Variants in IRAK1BP1 observed in about 807,000 individuals in gnomAD.
IRAK1BP1 encodes interleukin 1 receptor associated kinase 1 binding protein 1, also known as interleukin-1 receptor-associated kinase 1-binding protein 1.
Under a neutral mutation model 28.0 loss-of-function variants are expected in IRAK1BP1, and 24 were observed. That is an observed-to-expected ratio of 0.86 (90% CI 0.62 to 1.20). IRAK1BP1 has a LOEUF of 1.20. Ranked by LOEUF, IRAK1BP1 falls within the 50% of genes most tolerant of loss-of-function variation. IRAK1BP1 has a pLI of 0.00. For missense variants in IRAK1BP1, 336 were observed against 316.7 expected, an observed-to-expected ratio of 1.06 and a Z score of -0.46; for synonymous variants, 131 against 116.3, an observed-to-expected ratio of 1.13 and a Z score of -0.81.
chr6:78,872,060 A>G (rs1770812858), intron 1 of IRAK1BP1: 2 of 693,792 alleles, frequency 2.9e-6, no homozygotes, highest in Non-Finnish European at 5.2e-6. Flanking sequence ...AGGCTAATGT[A>G]GAACTAGAAT....
chr6:78,955,386 A>G, the IRAK1BP1 span: 1 of 838,688 alleles, frequency 1.2e-6, no homozygotes, highest in Middle Eastern at 2.3e-4. Flanking sequence ...GAACACCTGT[A>G]ATGTATATGC....
At chr6:78,867,928 G>C in intron 1 of IRAK1BP1, 37 bp downstream of exon 1, 1 of 1,499,878 alleles carries the variant, frequency 6.7e-7, no homozygotes, top group Non-Finnish European at 8.9e-7. Flanking sequence ...AGAGCCGGAA[G>C]ACACAAAAGG....
At chr6:78,924,073 C>G (rs1023769521) in intron 4 of IRAK1BP1, among the ~76,000 whole-genome samples, 15 of 151,972 alleles carry the variant, frequency 9.9e-5, no homozygotes, top group Non-Finnish European at 4.4e-5. Context: ...AAGATCAGAG[C>G]AGAACTGAAG....
chr6:78,908,371 G>GC (rs1199425242), intron 4 of IRAK1BP1, among the ~76,000 whole-genome samples: 1 of 151,614 alleles, frequency 6.6e-6, no homozygotes, highest in Non-Finnish European at 1.5e-5. Context: ...TTTTTTTAGA[G>GC]CAGGGTCACA....
downstream of IRAK1BP1, among the ~76,000 whole-genome samples, chr6:78,949,399 C>CT (rs1774013347): frequency 6.6e-6 from 1 of 152,090 alleles, no homozygotes; most frequent in South Asian, 2.1e-4. Context: ...CAATCAGCTC[C>CT]TTTTCTCACT....
At chr6:78,914,067 A>G (rs1235019995) in intron 4 of IRAK1BP1, among the ~76,000 whole-genome samples, 2 of 152,204 alleles carry the variant, frequency 1.3e-5, no homozygotes, top group Non-Finnish European at 2.9e-5. Context: ...CACTTGTAAT[A>G]TAGATCATTT....
intron 1 of IRAK1BP1, among the ~76,000 whole-genome samples, chr6:78,872,624 G>A (rs551205467): frequency 1.3e-5 from 2 of 152,266 alleles, no homozygotes; most frequent in South Asian, 2.1e-4. Flanking sequence ...TGTCATGTTG[G>A]CACTCAAAAA....
At chr6:78,917,448 G>C (rs1490900419) in intron 4 of IRAK1BP1, among the ~76,000 whole-genome samples, 3 of 151,810 alleles carry the variant, frequency 2.0e-5, no homozygotes, top group Non-Finnish European at 4.4e-5. Context: ...CAAATTGTTG[G>C]GATTCCTGAA....
chr6:78,892,654 G>C (rs970946165), intron 2 of IRAK1BP1, among the ~76,000 whole-genome samples: 2 of 152,020 alleles, frequency 1.3e-5, no homozygotes, highest in Non-Finnish European at 2.9e-5. Context: ...AGAATTAAAA[G>C]ACATAGTCAT....
At chr6:78,968,802 C>G in the IRAK1BP1 span, among the ~76,000 whole-genome samples, 2 of 152,154 alleles carry the variant, frequency 1.3e-5, no homozygotes, top group Non-Finnish European at 2.9e-5. Context: ...CCCACAATCT[C>G]TAACAGCTCA....
At chr6:78,964,931 G>C in the IRAK1BP1 span, among the ~76,000 whole-genome samples, 1 of 152,000 alleles carries the variant, frequency 6.6e-6, no homozygotes, top group Non-Finnish European at 1.5e-5. Flanking sequence ...TTATGCAATT[G>C]TGCATGTGTG....
At chr6:78,937,780 C>T (rs1007250361) in intron 4 of IRAK1BP1, 2 of 151,692 alleles carry the variant, frequency 1.3e-5, no homozygotes, top group African/African-American at 4.8e-5. Context: ...TTGCCCAGGG[C>T]TGTGAGTCTC....
the IRAK1BP1 span, among the ~76,000 whole-genome samples, chr6:78,971,100 A>G: frequency 6.6e-6 from 1 of 152,214 alleles, no homozygotes; most frequent in Non-Finnish European, 1.5e-5. Flanking sequence ...ATACACACTT[A>G]TAAGTTAAGA....
chr6:78,932,209 T>C (rs1460374671), intron 4 of IRAK1BP1, among the ~76,000 whole-genome samples: 1 of 152,122 alleles, frequency 6.6e-6, no homozygotes, highest in Non-Finnish European at 1.5e-5. Flanking sequence ...CACTGAATTC[T>C]TGAACCCTCA....
chr6:78,964,128 G>C, the IRAK1BP1 span, among the ~76,000 whole-genome samples: 1 of 152,184 alleles, frequency 6.6e-6, no homozygotes, highest in East Asian at 1.9e-4. Flanking sequence ...TTTAATAAAT[G>C]AGAGAAACAA....
Position 78,898,278 on chromosome 6 carries a change from A to G in IRAK1BP1, c.727A>G (p.Lys243Glu). The change falls in exon 4 of 4, where the codon AAA (lysine) becomes GAA (glutamate). Residue 243 changes from lysine (K) to glutamate (E), a missense_variant. By Grantham distance (56) the Lys-to-Glu change is moderately conservative (BLOSUM62 1). Coordinates refer to ENST00000369940, the MANE Select transcript of IRAK1BP1 (RefSeq NM_001010844.4). ...AAGTGCAACAATACATGCTGCTTCA[A>G]AAGTATTTATAACTTTTGAGGTAAA... is the stretch of plus-strand genomic sequence containing the variant. The part of the protein sequence containing the change: ...IKSATIHAAS[K>E]VFITFEVKGK... 1.2e-6 allele frequency: 2 copies of G among 1,611,248 alleles called. No individual in the cohort carries two copies.
At position 78,899,772 on chromosome 6, in the gene IRAK1BP1, T is replaced by C. The variant is rs180785911; in HGVS notation, c.*1438T>C. On this transcript the variant is annotated 3_prime_UTR_variant, in exon 4 of 4. Coordinates refer to ENST00000369940, the MANE Select transcript of IRAK1BP1 (RefSeq NM_001010844.4). ...ACGCACATTTTTAAAAATAAAACTT[T>C]AAAAAAGAAACAGTTGAAACTAATT... 2.0e-5 allele frequency: 3 copies of C among 152,146 alleles called. No homozygotes were observed. 9.4% of individuals were successfully genotyped at this position (152,146 alleles called of 1,614,324 possible). A position where few individuals can be genotyped will look rare whatever the true frequency, so the allele number is the denominator to read the frequency against.
chr6:78,975,465 AG>A, the IRAK1BP1 span, among the ~76,000 whole-genome samples: 1 of 152,234 alleles, frequency 6.6e-6, no homozygotes, highest in Non-Finnish European at 1.5e-5. Flanking sequence ...AACTGGCACA[AG>A]ACAGGGATGC....
At chr6:78,946,310 A>G in exon 5 of IRAK1BP1, 2 of 1,520,590 alleles carry the variant, frequency 1.3e-6, no homozygotes, top group South Asian at 1.2e-5. Context: ...TATGTGAACG[A>G]ATAAAACAGT....
Sources: allele counts gnomAD v4.1 joint callset (sites outside exome capture counted in the v4.1 genomes callset), GRCh38; gene constraint gnomAD v4.1.1; transcripts MANE v1.5; gene names NCBI Gene and HGNC (gene_info 2026-07-23, HGNC 2026-07-21).